Variants in PDE4D observed in about 807,000 individuals in gnomAD.
PDE4D encodes the protein phosphodiesterase 4D.
PDE4D carries 24 observed loss-of-function variants against 87.4 expected under a neutral mutation model. The ratio of observed to expected loss-of-function variants is 0.27; its 90% CI spans 0.20 to 0.39. The LOEUF is 0.39. Among genes scored for constraint, PDE4D ranks in the 10% least tolerant of loss-of-function variants. The pLI, the probability that PDE4D is intolerant of heterozygous loss-of-function variation, is 1.00. For synonymous variants in PDE4D, 384 were observed against 383.2 expected (o/e 1.00, Z -0.02); for missense variants, 714 against 1,041.0 (o/e 0.69, Z 4.32).
intron 1 of PDE4D, among the ~76,000 whole-genome samples, chr5:59,362,342 C>A (rs1782350759): frequency 6.6e-6 from 1 of 152,148 alleles, no homozygotes; most frequent in African/African-American, 2.4e-5. Flanking sequence ...AAAAGAATAT[C>A]AGTCCTCAGT....
At chr5:60,515,130 TTTTC>T (rs923485986) in intron 1 of PDE4D, among the ~76,000 whole-genome samples, 2 of 152,084 alleles carry the variant, frequency 1.3e-5, no homozygotes, top group Non-Finnish European at 2.9e-5. Flanking sequence ...AGTGAACCAT[TTTTC>T]TTTGTGTCAG....
exon 1 of PDE4D, chr5:60,522,062 T>C (rs142165833): frequency 1.4e-4 from 21 of 152,302 alleles, no homozygotes; most frequent in African/African-American, 5.1e-4. Context: ...TTATCCCCAT[T>C]GGAAATCAAC....
At chr5:59,919,481 T>C (rs988167018) in intron 3 of PDE4D, among the ~76,000 whole-genome samples, 3 of 152,174 alleles carry the variant, frequency 2.0e-5, no homozygotes, top group Middle Eastern at 3.2e-3. Context: ...ATTAACTGTA[T>C]CTGTACTTTA....
At chr5:59,997,326 G>C (rs16890422) in intron 2 of PDE4D, among the ~76,000 whole-genome samples, 2,783 of 152,194 alleles carry the variant, frequency 0.018, 86 homozygotes, top group African/African-American at 0.064. Flanking sequence ...AACTCAGCCA[G>C]TTTACTCTCT....
chr5:60,280,216 C>T (rs1751760667), intron 1 of PDE4D, among the ~76,000 whole-genome samples: 1 of 151,938 alleles, frequency 6.6e-6, no homozygotes, highest in Admixed American at 6.6e-5. Flanking sequence ...ACTCATGTGA[C>T]ACAGCAATTA....
At chr5:59,420,146 C>G (rs1167525188) in intron 1 of PDE4D, among the ~76,000 whole-genome samples, 2 of 152,188 alleles carry the variant, frequency 1.3e-5, no homozygotes, top group African/African-American at 4.8e-5. Flanking sequence ...CTGAATTGCT[C>G]TTTTACAGTA....
chr5:60,418,284 C>T (rs746239995), intron 1 of PDE4D, among the ~76,000 whole-genome samples: 1 of 152,136 alleles, frequency 6.6e-6, no homozygotes, highest in Non-Finnish European at 1.5e-5. Context: ...AAATTGGGAA[C>T]AGGCTAGCAT....
chr5:59,333,410 T>C (rs1334389728), intron 1 of PDE4D, among the ~76,000 whole-genome samples: 3 of 152,200 alleles, frequency 2.0e-5, no homozygotes, highest in South Asian at 4.1e-4. Context: ...GTGACAACCT[T>C]CACTTAAAGT....
At chr5:59,227,505 A>G (rs1489056089) in intron 1 of PDE4D, among the ~76,000 whole-genome samples, 1 of 152,226 alleles carries the variant, frequency 6.6e-6, no homozygotes, top group Non-Finnish European at 1.5e-5. Context: ...ATTACCTGAC[A>G]AAAGTCTAAT....
At position 59,486,459 on chromosome 5, in the gene PDE4D, C is replaced by T. The variant is rs542104325; in HGVS notation, c.456-270491G>A. ...TAGTTGCAATTGATGTTTTTCTGTG[C>T]CTTCTTGTATGAATTCTTTACAGGT... On this transcript the variant is annotated intron_variant, in intron 1 of 14. Transcript: ENST00000340635. Among the ~76,000 whole-genome samples the T allele has an allele frequency of 2.6e-5, 4 of 152,310 alleles. No homozygotes were observed. The South Asian group carries it at 8.3e-4, about 32-fold the overall frequency.
intron 1 of PDE4D, among the ~76,000 whole-genome samples, chr5:60,496,839 A>C (rs949110973): frequency 2.0e-5 from 3 of 152,222 alleles, no homozygotes; most frequent in African/African-American, 7.2e-5. Flanking sequence ...ACAACTTCCC[A>C]TATTTCTAGT....
chr5:59,735,616 T>G (rs188030808), intron 1 of PDE4D, among the ~76,000 whole-genome samples: 1 of 152,190 alleles, frequency 6.6e-6, no homozygotes. Context: ...ATAGATTTAG[T>G]TTTTCTAAAT....
At chr5:60,497,359 A>T (rs928001102) in intron 1 of PDE4D, among the ~76,000 whole-genome samples, 1 of 152,018 alleles carries the variant, frequency 6.6e-6, no homozygotes, top group Non-Finnish European at 1.5e-5. Context: ...ATCTTCTCTT[A>T]TGTATTGGCC....
intron 3 of PDE4D, among the ~76,000 whole-genome samples, chr5:59,955,103 A>C (rs910599533): frequency 5.3e-5 from 8 of 152,188 alleles, no homozygotes; most frequent in African/African-American, 9.6e-5. Flanking sequence ...AATCAATGCA[A>C]GTATTTAATA....
intron 5 of PDE4D, among the ~76,000 whole-genome samples, chr5:59,045,844 C>A (rs532143681): frequency 6.6e-6 from 1 of 152,188 alleles, no homozygotes; most frequent in Non-Finnish European, 1.5e-5. Context: ...GAAGTCAGTG[C>A]AACCATTATC....
In PDE4D at chr5:60,241,271, C is replaced by CTT. The variant is rs371953042; in HGVS notation, c.-89-55586_-89-55585dup. On this transcript the variant is annotated intron_variant, in intron 1 of 16. Transcript: ENST00000502484. The stretch of plus-strand genomic sequence containing the variant: ...CATCAGAGTCTCTCTCTCTCTCTCT[C>CTT]TTTTTTTTTTTTTTTTTTTTCAGAT... Among the ~76,000 whole-genome samples, 428 of 96,956 alleles carry CTT rather than the reference C, an allele frequency of 4.4e-3. 15 individuals are homozygous for CTT. The highest frequency in any genetic ancestry group is 6.3e-3 in the Non-Finnish European group (321 of 50,694). The allele number at this position is 96,956 out of a possible 152,430, so 63.6% of individuals were successfully genotyped here. A position where few individuals can be genotyped will look rare whatever the true frequency, so the allele number is the denominator to read the frequency against.
intron 1 of PDE4D, among the ~76,000 whole-genome samples, chr5:59,639,984 G>T (rs1194360182): frequency 2.0e-5 from 3 of 149,470 alleles, no homozygotes; most frequent in African/African-American, 4.9e-5. Context: ...AAGAGCTTTT[G>T]TCTTATTATA....
Position 59,193,532 on chromosome 5 carries a change from C to T in PDE4D, c.652G>A (p.Gly218Arg), listed in dbSNP as rs763492345. Residue 218 changes from glycine (G) to arginine (R), a missense_variant, in exon 3 of 15, where the codon GGA (glycine) becomes AGA (arginine). Gly to Arg is a moderately radical substitution (Grantham distance 125). Transcript: ENST00000340635. ...AATGGAGTCACAATCAAGTCATCTC[C>T]GTGTCTGAAAAATAAACCAAATCCC... ...RNSSIASDIH[G>R]DDLIVTPFAQ... The T allele has an allele frequency of 5.6e-6, 9 of 1,613,480 alleles. No individual in the cohort carries two copies. Among genetic ancestry groups the T allele is most frequent in the Admixed American group, 1.7e-5 (1 of 59,948 alleles).
At chr5:60,414,197 T>C (rs557208590) in intron 1 of PDE4D, among the ~76,000 whole-genome samples, 1 of 152,356 alleles carries the variant, frequency 6.6e-6, no homozygotes, top group Admixed American at 6.5e-5. Context: ...GGTTTTGTAC[T>C]TTATACCAAT....
Sources: gnomAD v4.1 joint callset for allele counts (sites outside exome capture counted in the v4.1 genomes callset) on GRCh38, gnomAD v4.1.1 for gene constraint, MANE v1.5 for transcripts, NCBI Gene and HGNC (gene_info 2026-07-23, HGNC 2026-07-21) for gene names.